DCPH1: variants seen among roughly 807,000 people sequenced by gnomAD.
DCPH1 encodes the protein damage control phosphatase 1, also known as damage-control phosphatase 1.
chr6:151,468,458 A>G, the DCPH1 span: 2 of 1,613,276 alleles, frequency 1.2e-6, no homozygotes. Context: ...TTATTGAATG[A>G]TATGGAACAT....
chr6:151,469,201 G>C, the DCPH1 span: 1 of 1,053,144 alleles, frequency 9.5e-7, no homozygotes, highest in Non-Finnish European at 1.4e-6. Flanking sequence ...TCGCCTGGCG[G>C]CTCTGTACGC....
the DCPH1 span, chr6:151,469,355 C>CT: frequency 6.7e-4 from 253 of 378,592 alleles, 1 homozygote; most frequent in African/African-American, 4.8e-3. Context: ...ATTTTAGCAA[C>CT]TTTTTTTCAG....
chr6:151,468,407 C>A, the DCPH1 span: 21 of 1,599,676 alleles, frequency 1.3e-5, no homozygotes, highest in African/African-American at 2.7e-5. Context: ...TCTCAGAATA[C>A]CAATGTACTA....
chr6:151,465,687 G>A, the DCPH1 span, among the ~76,000 whole-genome samples: 1 of 152,162 alleles, frequency 6.6e-6, no homozygotes, highest in African/African-American at 2.4e-5. Flanking sequence ...GACTGCAGGG[G>A]CTGAAGGTGG....
the DCPH1 span, chr6:151,469,450 T>C: frequency 5.1e-6 from 1 of 195,932 alleles, no homozygotes; most frequent in Non-Finnish European, 1.0e-5. Flanking sequence ...TGCTTTTAGT[T>C]AGTTAACCTT....
the DCPH1 span, among the ~76,000 whole-genome samples, chr6:151,456,413 G>A: frequency 3.9e-5 from 6 of 152,100 alleles, no homozygotes; most frequent in African/African-American, 1.4e-4. Context: ...CTTTTATATT[G>A]TCTTGTTTAA....
the DCPH1 span, among the ~76,000 whole-genome samples, chr6:151,453,563 G>C: frequency 6.6e-6 from 1 of 152,192 alleles, no homozygotes; most frequent in African/African-American, 2.4e-5. Flanking sequence ...CACAGAGTCG[G>C]AAAGTGTGTG....
chr6:151,463,369 A>G, the DCPH1 span, among the ~76,000 whole-genome samples: 1 of 152,194 alleles, frequency 6.6e-6, no homozygotes, highest in African/African-American at 2.4e-5. Context: ...GTTTTTATCC[A>G]ATTTGATCAC....
At chr6:151,455,883 C>T in the DCPH1 span, among the ~76,000 whole-genome samples, 6 of 152,254 alleles carry the variant, frequency 3.9e-5, no homozygotes, top group South Asian at 2.1e-4. Flanking sequence ...TGCGGCCTTC[C>T]GGCCTTCCGC....
the DCPH1 span, chr6:151,468,700 C>G: frequency 6.2e-7 from 1 of 1,614,020 alleles, no homozygotes; most frequent in African/African-American, 1.3e-5. Context: ...ACAGGTAAAA[C>G]ACAGTAATCA....
At chr6:151,455,673 G>C in the DCPH1 span, among the ~76,000 whole-genome samples, 4 of 152,086 alleles carry the variant, frequency 2.6e-5, no homozygotes, top group Non-Finnish European at 5.9e-5. Flanking sequence ...GCCCAGGGAC[G>C]GGCAGGAGAC....
chr6:151,465,469 G>A, the DCPH1 span, among the ~76,000 whole-genome samples: 1 of 152,178 alleles, frequency 6.6e-6, no homozygotes, highest in East Asian at 1.9e-4. Flanking sequence ...CAGGGAAGGA[G>A]TAAGTCAGGT....
At chr6:151,460,428 TTTG>T in the DCPH1 span, among the ~76,000 whole-genome samples, 1 of 151,128 alleles carries the variant, frequency 6.6e-6, no homozygotes, top group South Asian at 2.1e-4. Flanking sequence ...CATATCACAA[TTTG>T]TTGTTTTTTC....
chr6:151,465,197 T>C, the DCPH1 span, among the ~76,000 whole-genome samples: 1 of 152,218 alleles, frequency 6.6e-6, no homozygotes. Context: ...TTCTTTATCT[T>C]GTATTCAGTT....
the DCPH1 span, chr6:151,464,706 C>G: frequency 2.4e-6 from 2 of 848,830 alleles, no homozygotes; most frequent in Non-Finnish European, 3.3e-6. Flanking sequence ...AAATATTTTT[C>G]TTTGCTATAA....
At chr6:151,467,260 A>C in the DCPH1 span, among the ~76,000 whole-genome samples, 1 of 151,814 alleles carries the variant, frequency 6.6e-6, no homozygotes, top group Non-Finnish European at 1.5e-5. Flanking sequence ...AAAAAAAAAA[A>C]AAACAAAACC....
chr6:151,458,384 A>G, the DCPH1 span: 1 of 1,613,724 alleles, frequency 6.2e-7, no homozygotes, highest in African/African-American at 1.3e-5. Context: ...TACGGAATGA[A>G]TTGCAAACAG....
At chr6:151,460,567 A>G in the DCPH1 span, among the ~76,000 whole-genome samples, 1 of 151,556 alleles carries the variant, frequency 6.6e-6, no homozygotes, top group Admixed American at 6.6e-5. Flanking sequence ...AGGCAGATCA[A>G]AAGGTCAAGA....
At chr6:151,457,758 CTT>C in the DCPH1 span, among the ~76,000 whole-genome samples, 3 of 150,258 alleles carry the variant, frequency 2.0e-5, no homozygotes, top group Non-Finnish European at 4.5e-5. Context: ...CTTACATTTT[CTT>C]TTTTTTTAAT....
Sources: gnomAD v4.1 joint callset for allele counts (sites outside exome capture counted in the v4.1 genomes callset) on GRCh38, gnomAD v4.1.1 for gene constraint, MANE v1.5 for transcripts, NCBI Gene and HGNC (gene_info 2026-07-23, HGNC 2026-07-21) for gene names.